SPAG16: variants seen among roughly 807,000 people sequenced by gnomAD.
SPAG16 encodes sperm associated antigen 16.
Under a neutral mutation model 80.4 loss-of-function variants are expected in SPAG16, and 86 were observed. The ratio of observed to expected loss-of-function variants is 1.07; its 90% CI spans 0.90 to 1.28. The LOEUF (loss-of-function observed/expected upper bound fraction) is 1.28, where lower values mean the gene tolerates loss of function less well. SPAG16 is among the 50% of genes most tolerant of loss of function. The probability of loss-of-function intolerance (pLI) is 0.00; values close to 1 mark genes in which losing one functional copy is unlikely to be tolerated. For synonymous variants in SPAG16, 294 were observed against 265.9 expected, an observed-to-expected ratio of 1.11 and a Z score of -1.03; for missense variants, 870 against 765.3, an observed-to-expected ratio of 1.14 and a Z score of -1.61.
chr2:214,027,792 T>C (rs2048211448), intron 13 of SPAG16, among the ~76,000 whole-genome samples: 1 of 151,942 alleles, frequency 6.6e-6, no homozygotes. Flanking sequence ...TTTACATTAT[T>C]TGACACAGGA....
At chr2:214,180,164 C>A (rs2057265862) in intron 15 of SPAG16, among the ~76,000 whole-genome samples, 1 of 151,548 alleles carries the variant, frequency 6.6e-6, no homozygotes, top group African/African-American at 2.4e-5. Flanking sequence ...TTTCCTGCAA[C>A]TGGGGAGTAA....
chr2:213,919,206 G>T (rs1057330227), intron 11 of SPAG16, among the ~76,000 whole-genome samples: 5 of 151,594 alleles, frequency 3.3e-5, no homozygotes, highest in Non-Finnish European at 7.4e-5. Context: ...TCTTGGTTTT[G>T]TATCTTATTA....
At chr2:213,642,553 C>T (rs1043433950) in intron 10 of SPAG16, among the ~76,000 whole-genome samples, 4 of 151,692 alleles carry the variant, frequency 2.6e-5, no homozygotes, top group Non-Finnish European at 5.9e-5. Context: ...TCTGAGTGGG[C>T]ACCATCTAAT....
chr2:213,688,129 G>T (rs369130472), intron 10 of SPAG16, among the ~76,000 whole-genome samples: 15 of 152,084 alleles, frequency 9.9e-5, no homozygotes, highest in African/African-American at 2.9e-4. Context: ...GGCTATAGGT[G>T]GTAAATTTAA....
chr2:213,702,588 A>C (rs113917419), intron 10 of SPAG16, among the ~76,000 whole-genome samples: 138 of 152,224 alleles, frequency 9.1e-4, no homozygotes, highest in Middle Eastern at 3.4e-3. Flanking sequence ...CGGACACAAT[A>C]ATATTTCATC....
chr2:214,278,354 C>G (rs796753005), intron 15 of SPAG16, among the ~76,000 whole-genome samples: 15 of 152,326 alleles, frequency 9.8e-5, no homozygotes, highest in African/African-American at 3.6e-4. Context: ...TGAGATGAAC[C>G]AGGTACCTGA....
At chr2:213,662,061 C>A (rs2125186598) in intron 10 of SPAG16, among the ~76,000 whole-genome samples, 1 of 151,980 alleles carries the variant, frequency 6.6e-6, no homozygotes, top group Admixed American at 6.6e-5. Flanking sequence ...TATTGATAAA[C>A]CTTATTAAAA....
At chr2:213,488,007 T>C (rs2074061470) in intron 9 of SPAG16, among the ~76,000 whole-genome samples, 1 of 152,050 alleles carries the variant, frequency 6.6e-6, no homozygotes. Flanking sequence ...TTGGCAATAA[T>C]TTTTTCCATA....
At chr2:214,282,020 T>C (rs1692979880) in intron 15 of SPAG16, among the ~76,000 whole-genome samples, 1 of 152,178 alleles carries the variant, frequency 6.6e-6, no homozygotes, top group African/African-American at 2.4e-5. Context: ...TGGGTTCTAA[T>C]CTCTCATTAT....
intron 10 of SPAG16, among the ~76,000 whole-genome samples, chr2:213,815,582 C>T (rs1271808581): frequency 6.6e-6 from 1 of 151,946 alleles, no homozygotes; most frequent in Non-Finnish European, 1.5e-5. Context: ...TAAAACAAAA[C>T]CACAATAGTG....
chr2:214,218,690 A>T (rs2058492549), intron 15 of SPAG16, among the ~76,000 whole-genome samples: 1 of 152,230 alleles, frequency 6.6e-6, no homozygotes, highest in Non-Finnish European at 1.5e-5. Flanking sequence ...GATCCTTGAA[A>T]TATACAGATA....
At chr2:214,392,112 C>T (rs1188867800) in intron 15 of SPAG16, among the ~76,000 whole-genome samples, 1 of 152,138 alleles carries the variant, frequency 6.6e-6, no homozygotes, top group Non-Finnish European at 1.5e-5. Flanking sequence ...CAGATACTAA[C>T]ATTTGAGGGT....
chr2:214,231,256 G>A (rs765754787), intron 15 of SPAG16, among the ~76,000 whole-genome samples: 1 of 151,988 alleles, frequency 6.6e-6, no homozygotes, highest in African/African-American at 2.4e-5. Context: ...TAGAAAGGTA[G>A]ACAAGTCAAT....
At chr2:213,505,253 A>G (rs761325513) in intron 10 of SPAG16, among the ~76,000 whole-genome samples, 1 of 152,194 alleles carries the variant, frequency 6.6e-6, no homozygotes, top group Non-Finnish European at 1.5e-5. Flanking sequence ...CAAATGTACA[A>G]TGTCAAAACT....
chr2:213,369,822 C>A (rs1051911345), intron 8 of SPAG16, among the ~76,000 whole-genome samples: 1 of 152,082 alleles, frequency 6.6e-6, no homozygotes, highest in Non-Finnish European at 1.5e-5. Context: ...TACCACCTGC[C>A]CCCAGACATA....
chr2:214,263,618 A>G (rs1413221625), intron 15 of SPAG16, among the ~76,000 whole-genome samples: 2 of 152,178 alleles, frequency 1.3e-5, no homozygotes, highest in Admixed American at 1.3e-4. Context: ...CTGCACAACT[A>G]CAAACAAAAG....
chr2:214,084,115 TC>T (rs1319447052), intron 13 of SPAG16, among the ~76,000 whole-genome samples: 2 of 152,180 alleles, frequency 1.3e-5, no homozygotes, highest in Admixed American at 6.5e-5. Context: ...CATCTTCTCT[TC>T]CTTTACATGC....
At chr2:213,412,187 C>T (rs903091304) in intron 9 of SPAG16, among the ~76,000 whole-genome samples, 5 of 152,184 alleles carry the variant, frequency 3.3e-5, no homozygotes, top group Admixed American at 6.5e-5. Flanking sequence ...ATTCCAATTA[C>T]CTGCTATCTG....
intron 10 of SPAG16, among the ~76,000 whole-genome samples, chr2:213,663,395 T>G (rs1286883562): frequency 6.6e-6 from 1 of 152,090 alleles, no homozygotes; most frequent in African/African-American, 2.4e-5. Flanking sequence ...GTAAGCAGTG[T>G]TTAAAAATAG....
Sources: gnomAD v4.1 joint callset for allele counts (sites outside exome capture counted in the v4.1 genomes callset) on GRCh38, gnomAD v4.1.1 for gene constraint, MANE v1.5 for transcripts, NCBI Gene and HGNC (gene_info 2026-07-23, HGNC 2026-07-21) for gene names.